ESR1: variants seen among roughly 807,000 people sequenced by gnomAD.
ESR1 encodes estrogen receptor.
ESR1 carries 12 observed loss-of-function variants against 52.7 expected under a neutral mutation model. The ratio of observed to expected loss-of-function variants is 0.23; its 90% CI spans 0.15 to 0.37. The LOEUF is 0.37. Ranked by LOEUF, ESR1 falls within the 10% of genes least tolerant of loss-of-function variation. The probability of loss-of-function intolerance (pLI) is 1.00; values close to 1 mark genes in which losing one functional copy is unlikely to be tolerated. For missense variants in ESR1, 584 were observed against 779.7 expected (o/e 0.75, Z 2.99); for synonymous variants, 305 against 316.8 (o/e 0.96, Z 0.39).
At chr6:152,062,623 G>A (rs1205671188) in intron 6 of ESR1, among the ~76,000 whole-genome samples, 2 of 152,162 alleles carry the variant, frequency 1.3e-5, no homozygotes. Flanking sequence ...TTTATTGGAT[G>A]AGAGTTCTGG....
chr6:151,988,472 G>C (rs576833511), intron 4 of ESR1, among the ~76,000 whole-genome samples: 1 of 152,218 alleles, frequency 6.6e-6, no homozygotes, highest in South Asian at 2.1e-4. Flanking sequence ...CTCACCTCCT[G>C]TTGGGCGGCC....
intron 1 of ESR1, among the ~76,000 whole-genome samples, chr6:151,683,829 GC>G (rs1778547567): frequency 6.6e-6 from 1 of 150,400 alleles, no homozygotes; most frequent in Non-Finnish European, 1.5e-5. Flanking sequence ...CTCCTAAGTA[GC>G]TGGGATTACA....
At chr6:151,775,572 C>T (rs930156243) in intron 2 of ESR1, among the ~76,000 whole-genome samples, 5 of 151,802 alleles carry the variant, frequency 3.3e-5, no homozygotes, top group African/African-American at 1.2e-4. Context: ...ACGGTGAAAC[C>T]CTGTCTCTAC....
At position 151,660,899 on chromosome 6, in the gene ESR1, T is replaced by C. The variant is rs143512411; in HGVS notation, n.73+4136T>C. Reference sequence around the variant, plus strand: ...AGATACTCTGGGGAGCTTTAAAATATATGCTGATGCTTGGGCTCCACTTCC... The same window carrying C: ...AGATACTCTGGGGAGCTTTAAAATACATGCTGATGCTTGGGCTCCACTTCC... On this transcript the variant is annotated intron_variant and non_coding_transcript_variant, in intron 1 of 2. Transcript: ENST00000473497. 2.0e-5 allele frequency among the ~76,000 whole-genome samples: 3 copies of C among 152,326 alleles called. No homozygotes were observed. The East Asian group carries it at 5.8e-4, about 29-fold the overall frequency.
At chr6:152,083,075 G>C (rs191022449) in intron 6 of ESR1, among the ~76,000 whole-genome samples, 2 of 151,466 alleles carry the variant, frequency 1.3e-5, no homozygotes, top group Non-Finnish European at 2.9e-5. Context: ...TCCCCATCAA[G>C]CTACCATTGA....
intron 5 of ESR1, among the ~76,000 whole-genome samples, chr6:152,059,926 A>G (rs941333436): frequency 7.9e-5 from 12 of 152,212 alleles, no homozygotes; most frequent in African/African-American, 2.7e-4. Flanking sequence ...TTAACTAAAA[A>G]CAAAACAAGG....
At chr6:151,784,371 A>C (rs982501006) in intron 2 of ESR1, among the ~76,000 whole-genome samples, 1 of 152,206 alleles carries the variant, frequency 6.6e-6, no homozygotes, top group African/African-American at 2.4e-5. Flanking sequence ...TTTATTGTTC[A>C]AATTGTTCCA....
At position 152,098,201 on chromosome 6, in the gene ESR1, A is replaced by G. The variant is rs9341065; in HGVS notation, c.1554-531A>G. 7.6e-3 allele frequency among the ~76,000 whole-genome samples: 1,154 copies of G among 152,262 alleles called. 28 individuals carry two copies. Among genetic ancestry groups the G allele is most frequent in the African/African-American group, 0.026 (1,096 of 41,532 alleles). ...GCTTGGAGACATGGATGGAAGCTGGACCAGTTGGGCCTTGTTGAACATGGA... is the reference window on the plus strand; with the variant it reads ...GCTTGGAGACATGGATGGAAGCTGGGCCAGTTGGGCCTTGTTGAACATGGA... On this transcript the variant is annotated intron_variant, in intron 7 of 7. Coordinates refer to ENST00000206249, the MANE Select transcript of ESR1 (RefSeq NM_000125.4). The surrounding 1 kb of genome is among the most constrained non-coding windows in gnomAD (Gnocchi z 5.1).
intron 2 of ESR1, among the ~76,000 whole-genome samples, chr6:151,763,428 T>A (rs1383834156): frequency 6.6e-6 from 1 of 152,240 alleles, no homozygotes; most frequent in Non-Finnish European, 1.5e-5. Flanking sequence ...CAAAAATTAC[T>A]AGCCAGTGTT....
intron 2 of ESR1, among the ~76,000 whole-genome samples, chr6:151,765,028 T>G (rs776639965): frequency 1.7e-4 from 26 of 152,206 alleles, no homozygotes; most frequent in Non-Finnish European, 3.1e-4. Context: ...CACATTAAAA[T>G]TGTAAAAAGA....
chr6:151,830,789 AT>A (rs1416344700), intron 1 of ESR1, among the ~76,000 whole-genome samples: 3 of 151,868 alleles, frequency 2.0e-5, no homozygotes, highest in Non-Finnish European at 2.9e-5. Context: ...GGGTGAAGAC[AT>A]TTTTCTTAAG....
intron 4 of ESR1, among the ~76,000 whole-genome samples, chr6:151,967,711 T>G (rs917753708): frequency 6.6e-6 from 1 of 152,216 alleles, no homozygotes; most frequent in African/African-American, 2.4e-5. Context: ...GTAATGGGAT[T>G]GCTGGGTCAA....
chr6:151,711,930 T>A (rs1379792764), intron 2 of ESR1, among the ~76,000 whole-genome samples: 2 of 152,236 alleles, frequency 1.3e-5, no homozygotes, highest in Non-Finnish European at 2.9e-5. Flanking sequence ...TCCATGCCTG[T>A]GTCCTAAATG....
Position 151,868,493 on chromosome 6 carries a change from T to C in ESR1, c.644-12162T>C, listed in dbSNP as rs138344574. On this transcript the variant is annotated intron_variant, in intron 2 of 7. Coordinates refer to ENST00000206249, the MANE Select transcript of ESR1 (RefSeq NM_000125.4). ...CCCACTTCTAGTTATCACCAGTGTC[T>C]ATTGTTTCTGTCTTTATGTTCATGT... Among the ~76,000 whole-genome samples, 73 of 152,300 alleles carry C rather than the reference T, an allele frequency of 4.8e-4. No homozygotes were observed. The East Asian group carries it at 0.014, about 28-fold the overall frequency.
At chr6:151,971,446 T>C (rs1467638794) in intron 4 of ESR1, among the ~76,000 whole-genome samples, 1 of 152,040 alleles carries the variant, frequency 6.6e-6, no homozygotes, top group Non-Finnish European at 1.5e-5. Flanking sequence ...ATATGATGTA[T>C]GGTTTTTCAT....
intron 1 of ESR1, among the ~76,000 whole-genome samples, chr6:151,818,342 A>G (rs994723737): frequency 1.3e-5 from 2 of 152,150 alleles, no homozygotes; most frequent in Non-Finnish European, 2.9e-5. Context: ...CTTGACTAAC[A>G]GGTTTTGGGC....
chr6:151,688,377 G>A (rs528752280), upstream of ESR1, among the ~76,000 whole-genome samples: 1 of 152,340 alleles, frequency 6.6e-6, no homozygotes, highest in East Asian at 1.9e-4. Flanking sequence ...GGAGGCTTGA[G>A]TTGGTCCATG....
At chr6:151,716,661 T>A (rs1197218434) in intron 2 of ESR1, among the ~76,000 whole-genome samples, 3 of 152,130 alleles carry the variant, frequency 2.0e-5, no homozygotes, top group Non-Finnish European at 2.9e-5. Context: ...CAAGCCTCAG[T>A]AATGGCGGAT....
intron 4 of ESR1, among the ~76,000 whole-genome samples, chr6:152,003,849 C>T (rs890233271): frequency 1.3e-4 from 19 of 151,794 alleles, no homozygotes; most frequent in African/African-American, 4.4e-4. Flanking sequence ...ATATCGTGAT[C>T]AGAATTAAGA....
Sources: gnomAD v4.1 joint callset for allele counts (sites outside exome capture counted in the v4.1 genomes callset) on GRCh38, gnomAD v4.1.1 for gene constraint, Gnocchi (gnomAD v3.1) non-coding constraint, MANE v1.5 for transcripts, NCBI Gene and HGNC (gene_info 2026-07-23, HGNC 2026-07-21) for gene names.